DYNLL1: variants seen among roughly 807,000 people sequenced by gnomAD.
DYNLL1 encodes the protein dynein light chain LC8-type 1.
A neutral mutation model predicts 10.1 loss-of-function variants in DYNLL1; 3 were observed. The observed-to-expected ratio is 0.30, with a 90% CI of 0.14 to 0.77. The LOEUF (loss-of-function observed/expected upper bound fraction) is 0.77. Ranked by LOEUF, DYNLL1 falls within the 30% of genes least tolerant of loss-of-function variation. DYNLL1 has a pLI of 0.66. For synonymous variants in DYNLL1, 46 were observed against 41.2 expected (o/e 1.12, Z -0.45); for missense variants, 47 against 111.7 (o/e 0.42, Z 2.61).
intron 1 of DYNLL1, among the ~76,000 whole-genome samples, chr12:120,473,839 G>A (rs1212282388): frequency 6.6e-6 from 1 of 151,938 alleles, no homozygotes; most frequent in Non-Finnish European, 1.5e-5. Context: ...CATTAGCCAC[G>A]GCACCTGACA....
intron 1 of DYNLL1, among the ~76,000 whole-genome samples, chr12:120,485,019 C>T (rs1878960885): frequency 6.6e-6 from 1 of 151,750 alleles, no homozygotes; most frequent in African/African-American, 2.4e-5. Flanking sequence ...GGATTACAGG[C>T]GTGAGCCACC....
At chr12:120,470,519 T>G (rs1054916837) in intron 1 of DYNLL1, among the ~76,000 whole-genome samples, 1 of 152,080 alleles carries the variant, frequency 6.6e-6, no homozygotes, top group Non-Finnish European at 1.5e-5. Context: ...CAGGCTGGAG[T>G]GCAATGGCGC....
chr12:120,490,131 C>G (rs1879091732), intron 1 of DYNLL1, among the ~76,000 whole-genome samples: 1 of 152,162 alleles, frequency 6.6e-6, no homozygotes, highest in Non-Finnish European at 1.5e-5. Context: ...GCTATAAGTT[C>G]CATAAAAAGG....
upstream of DYNLL1, chr12:120,496,110 C>T (rs1397846008): frequency 1.7e-5 from 8 of 480,402 alleles, no homozygotes; most frequent in South Asian, 6.9e-5. Flanking sequence ...CGTGGGGCTG[C>T]TTAGATGCGC....
Position 120,488,959 on chromosome 12 carries a change from G to C in DYNLL1, c.-6-7457G>C, listed in dbSNP as rs1379204557. On this transcript the variant is annotated intron_variant, in intron 1 of 2. Coordinates refer to the DYNLL1 transcript ENST00000392509. ...AAAAGGACTAAGTGACTAAAAGACA[G>C]GGTAGGAACTCAAGGCTCATCCTCT... Among the ~76,000 whole-genome samples the C allele has an allele frequency of 2.6e-5, 4 of 152,268 alleles. No homozygotes were observed. The South Asian group carries it at 8.3e-4, about 32-fold the overall frequency.
chr12:120,498,312 A>G lies in DYNLL1; in HGVS notation c.*102A>G. On this transcript the variant is annotated 3_prime_UTR_variant, in exon 3 of 3. Transcript: ENST00000242577. ...TGAAATTTTCAGCCTTGCTAAGGGA[A>G]CATCTCGATGTTTGAACCTTTGTTG... 1 of 1,428,376 alleles carries G rather than the reference A, an allele frequency of 7.0e-7. No homozygotes were observed. The highest frequency in any genetic ancestry group is 9.4e-7 in the Non-Finnish European group (1 of 1,066,518). The allele number at this position is 1,428,376 out of a possible 1,614,324, so 88.5% of individuals were successfully genotyped here.
intron 1 of DYNLL1, among the ~76,000 whole-genome samples, chr12:120,473,715 T>TA (rs1878698294): frequency 1.5e-5 from 2 of 137,594 alleles, no homozygotes; most frequent in South Asian, 2.3e-4. Flanking sequence ...AAAAAAAAAT[T>TA]AAAAAATTAT....
At chr12:120,470,455 C>A (rs1878621577) in intron 1 of DYNLL1, among the ~76,000 whole-genome samples, 1 of 152,050 alleles carries the variant, frequency 6.6e-6, no homozygotes, top group African/African-American at 2.4e-5. Flanking sequence ...ACAGTGAGGC[C>A]TTGCACCAGA....
At chr12:120,496,317 G>A in intron 1 of DYNLL1, 99 bp from the exon 2 acceptor site, 1 of 1,510,498 alleles carries the variant, frequency 6.6e-7, no homozygotes, top group South Asian at 1.3e-5. Flanking sequence ...AAGTGGGGTG[G>A]GGGGCGTCGT....
chr12:120,496,225 C>A lies in DYNLL1; in HGVS notation c.-7+9C>A. On this transcript the variant is annotated intron_variant, in intron 1 of 2. Coordinates refer to ENST00000242577, the MANE Select transcript of DYNLL1 (RefSeq NM_003746.3). ...CAGCCCCCTTCTCCACGGTGAGAAA[C>A]TCGGGGGGCCAGGGGGTGTCCTCGC... 1 of 781,048 alleles carries A rather than the reference C, an allele frequency of 1.3e-6. No homozygotes were observed. The highest frequency in any genetic ancestry group is 2.0e-6 in the Non-Finnish European group (1 of 493,252). The allele number at this position is 781,048 out of a possible 1,614,324, so 48.4% of individuals were successfully genotyped here.
chr12:120,484,458 G>T (rs1878948984), intron 1 of DYNLL1, among the ~76,000 whole-genome samples: 1 of 152,018 alleles, frequency 6.6e-6, no homozygotes, highest in Non-Finnish European at 1.5e-5. Flanking sequence ...TGGTAAAAAG[G>T]AAAAAAGCCT....
At chr12:120,474,283 G>A (rs925093204) in intron 1 of DYNLL1, among the ~76,000 whole-genome samples, 2 of 152,156 alleles carry the variant, frequency 1.3e-5, no homozygotes, top group African/African-American at 2.4e-5. Context: ...CTGGGCGACA[G>A]AGTGAGATCC....
chr12:120,479,720 G>A (rs180725820), intron 1 of DYNLL1, among the ~76,000 whole-genome samples: 9 of 152,218 alleles, frequency 5.9e-5, no homozygotes, highest in African/African-American at 1.9e-4. Flanking sequence ...AAGCTGGGAG[G>A]ACAGAGGCAA....
intron 1 of DYNLL1, among the ~76,000 whole-genome samples, chr12:120,482,600 G>T (rs1275779302): frequency 6.6e-6 from 1 of 151,954 alleles, no homozygotes; most frequent in East Asian, 1.9e-4. Flanking sequence ...GGGATTACAG[G>T]CGTGAGCCAC....
At chr12:120,485,338 C>A (rs1369631203) in intron 1 of DYNLL1, among the ~76,000 whole-genome samples, 3 of 149,336 alleles carry the variant, frequency 2.0e-5, no homozygotes, top group Admixed American at 6.7e-5. Flanking sequence ...CTCACTGCAA[C>A]CTCCACCTCC....
In DYNLL1 at chr12:120,496,200, C is replaced by T; in HGVS notation, c.-23C>T. The T allele has an allele frequency of 1.5e-6, 1 of 664,488 alleles. No individual in the cohort carries two copies. The highest frequency in any genetic ancestry group is 2.6e-6 in the Non-Finnish European group (1 of 391,958). The allele number at this position is 664,488 out of a possible 1,614,324, so 41.2% of individuals were successfully genotyped here. On this transcript the variant is annotated 5_prime_UTR_variant, in exon 1 of 3. Transcript: ENST00000242577. The stretch of plus-strand genomic sequence containing the variant: ...CCCCCAGGAGACCGTTGCAGTCGGC[C>T]AGCCCCCTTCTCCACGGTGAGAAAC...
intron 1 of DYNLL1, among the ~76,000 whole-genome samples, chr12:120,476,641 C>T (rs1270234067): frequency 6.6e-6 from 1 of 152,144 alleles, no homozygotes; most frequent in African/African-American, 2.4e-5. Context: ...GACAGAGTTT[C>T]GCTCTTGTCA....
intron 1 of DYNLL1, among the ~76,000 whole-genome samples, chr12:120,478,223 T>C (rs758876583): frequency 1.3e-5 from 2 of 151,884 alleles, no homozygotes; most frequent in African/African-American, 4.8e-5. Context: ...TTCTCCTGCC[T>C]CGGCTTCCTG....
chr12:120,472,511 G>C (rs1878671799), intron 1 of DYNLL1, among the ~76,000 whole-genome samples: 1 of 152,042 alleles, frequency 6.6e-6, no homozygotes, highest in Admixed American at 6.5e-5. Flanking sequence ...TTCTCATTTT[G>C]GGTGGTGTGC....
Sources: gnomAD v4.1 joint callset for allele counts (sites outside exome capture counted in the v4.1 genomes callset) on GRCh38, gnomAD v4.1.1 for gene constraint, MANE v1.5 for transcripts, NCBI Gene and HGNC (gene_info 2026-07-23, HGNC 2026-07-21) for gene names.